AGBL2: variants seen among roughly 807,000 people sequenced by gnomAD.
The protein encoded by AGBL2 is AGBL carboxypeptidase 2.
A neutral mutation model predicts 103.0 loss-of-function variants in AGBL2; 87 were observed. That is an observed-to-expected ratio of 0.84 (90% CI 0.71 to 1.01). AGBL2 has a LOEUF of 1.01. AGBL2 is among the 50% of genes least tolerant of loss of function. The pLI is 0.00. For missense variants in AGBL2, 904 were observed against 1,023.5 expected (o/e 0.88, Z 1.59); for synonymous variants, 335 against 356.7 (o/e 0.94, Z 0.69).
At position 47,704,625 on chromosome 11, in the gene AGBL2, G is replaced by T; in HGVS notation, c.504C>A (p.Ser168=). The T allele has an allele frequency of 6.2e-7, 1 of 1,614,070 alleles. No individual in the cohort carries two copies. The highest frequency in any genetic ancestry group is 8.5e-7 in the Non-Finnish European group (1 of 1,179,988). Residue 168 remains serine, a synonymous_variant, in exon 7 of 19, where the codon TCC becomes TCA. Coordinates refer to ENST00000525123, the MANE Select transcript of AGBL2 (RefSeq NM_024783.4). ...GCAGTGGCCTCTTGGTAGACAAAAT[G>T]GAAAAGAGCTCTTGGGGTTCTCGAA... The part of the protein sequence containing the change: ...PRLREPQELF[S]ILSTKRPLQA...
chr11:47,667,607 A>AT lies in AGBL2; in HGVS notation c.2303dup (p.Asn768LysfsTer43), dbSNP rs760684575. On this transcript the variant is annotated frameshift_variant, in exon 16 of 19. Coordinates refer to ENST00000525123, the MANE Select transcript of AGBL2 (RefSeq NM_024783.4). LOFTEE classifies it high-confidence loss of function. The stretch of plus-strand genomic sequence containing the variant: ...CTGTTAACTTTAACTTCTGCATCAA[A>AT]TTTTTTTTCTGATACTGCTCATTTC... The AT allele has an allele frequency of 1.6e-4, 259 of 1,613,394 alleles. No individual in the cohort carries two copies. The highest frequency in any genetic ancestry group is 1.8e-4 in the Non-Finnish European group (208 of 1,179,698).
At chr11:47,710,661 A>C (rs913840408) in intron 3 of AGBL2, 150 bp from the exon 4 acceptor site, 7 of 881,128 alleles carry the variant, frequency 7.9e-6, no homozygotes, top group Non-Finnish European at 1.1e-5. Flanking sequence ...GAGCTTTCAT[A>C]TTCCAACTTA....
Position 47,680,786 on chromosome 11 carries a change from G to GAAACAAAACAAAACAAAACA in AGBL2, c.1916-733_1916-714dup, listed in dbSNP as rs56208874. On this transcript the variant is annotated intron_variant, in intron 12 of 18. Coordinates refer to ENST00000525123, the MANE Select transcript of AGBL2 (RefSeq NM_024783.4). Reference sequence around the variant, plus strand: ...AGCCTGGGTAACAGAGGGAGACCCTGAAACAAAACAAAACAAAACAAAACA... The same window carrying GAAACAAAACAAAACAAAACA: ...AGCCTGGGTAACAGAGGGAGACCCTGAAACAAAACAAAACAAAACAAAACAAAACAAAACAAAACAAAACA... 8.0e-3 allele frequency among the ~76,000 whole-genome samples: 1,183 copies of GAAACAAAACAAAACAAAACA among 147,584 alleles called. 25 individuals are homozygous for GAAACAAAACAAAACAAAACA. The highest frequency in any genetic ancestry group is 0.037 in the East Asian group (181 of 4,876).
At chr11:47,670,992 TAA>T (rs35181704) in intron 14 of AGBL2, among the ~76,000 whole-genome samples, 4 of 137,928 alleles carry the variant, frequency 2.9e-5, no homozygotes, top group Admixed American at 7.3e-5. Flanking sequence ...ACACTCTTTC[TAA>T]AAAAAAAAAA....
At chr11:47,686,271 TC>T (rs1019124850) in intron 10 of AGBL2, among the ~76,000 whole-genome samples, 31 of 152,028 alleles carry the variant, frequency 2.0e-4, no homozygotes, top group Admixed American at 1.4e-3. Context: ...ATGGAAAATT[TC>T]TTTTTTTCTT....
rs777855210 is a variant in AGBL2, at chr11:47,704,577, T to C, written c.552A>G (p.Glu184=). 10 of 1,613,770 alleles carry C rather than the reference T, an allele frequency of 6.2e-6. No individual in the cohort carries two copies. The highest frequency in any genetic ancestry group is 1.3e-5 in the African/African-American group (1 of 74,844). Reference sequence around the variant, plus strand: ...GGATGTTTTCCTTGATGACCTCACATTCAATTGGCCATCTTGGAGCCTGCA... The same window carrying C: ...GGATGTTTTCCTTGATGACCTCACACTCAATTGGCCATCTTGGAGCCTGCA... ...RPLQAPRWPI[E]CEVIKENIHH... is the part of the protein sequence containing the mutation. Residue 184 remains glutamate (E), a synonymous_variant, in exon 7 of 19, where the codon GAA becomes GAG. Coordinates refer to ENST00000525123, the MANE Select transcript of AGBL2 (RefSeq NM_024783.4).
chr11:47,673,658 G>A (rs1209555858), intron 14 of AGBL2, among the ~76,000 whole-genome samples: 3 of 151,350 alleles, frequency 2.0e-5, no homozygotes, highest in African/African-American at 7.3e-5. Context: ...AGGCATGGTG[G>A]TGGGCGCCTG....
chr11:47,668,966 T>A, intron 14 of AGBL2, 59 bp from the exon 15 acceptor site: 1 of 1,233,220 alleles, frequency 8.1e-7, no homozygotes. Flanking sequence ...CTAGGAAGCA[T>A]AACATTTACC....
At chr11:47,678,338 A>ATTTTTTTTTTTTTTTTTTTTTTTT (rs1196435610) in intron 13 of AGBL2, among the ~76,000 whole-genome samples, 21 of 95,294 alleles carry the variant, frequency 2.2e-4, no homozygotes, top group South Asian at 3.8e-4. Flanking sequence ...TTATTTTATT[A>ATTTTTTTTTTTTTTTTTTTTTTTT]TTTTATTTTT....
At position 47,660,333 on chromosome 11, in the gene AGBL2, C is replaced by G. The variant is rs778124129; in HGVS notation, c.2549G>C (p.Gly850Ala). 15 of 1,611,580 alleles carry G rather than the reference C, an allele frequency of 9.3e-6. No individual in the cohort carries two copies. The highest frequency in any genetic ancestry group is 3.4e-5 in the Admixed American group (2 of 59,042). ...CTTTGGAGAGCATGATACTGTAAAG[C>G]CTGGCTTCTTATTCTGTGCAAATAA... ...NKGRMQNKKP[G>A]FTVSCSPKRT... Residue 850 changes from glycine to alanine, a missense_variant, in exon 19 of 19, where the codon GGC becomes GCC. Coordinates refer to ENST00000525123, the MANE Select transcript of AGBL2 (RefSeq NM_024783.4).
At chr11:47,660,896 T>G (rs1315948319) in intron 18 of AGBL2, among the ~76,000 whole-genome samples, 1 of 152,178 alleles carries the variant, frequency 6.6e-6, no homozygotes, top group Non-Finnish European at 1.5e-5. Flanking sequence ...GCAGAAGGAC[T>G]GCATTTTATA....
intron 13 of AGBL2, among the ~76,000 whole-genome samples, chr11:47,678,288 C>CTTT (rs1382376149): frequency 8.1e-6 from 1 of 123,838 alleles, no homozygotes; most frequent in Non-Finnish European, 1.7e-5. Context: ...ATGCAATACT[C>CTTT]TATTTTATTT....
intron 4 of AGBL2, among the ~76,000 whole-genome samples, chr11:47,709,600 T>A (rs2097531231): frequency 6.6e-6 from 1 of 152,104 alleles, no homozygotes; most frequent in South Asian, 2.1e-4. Context: ...TTTTTTTTTT[T>A]TTTTTGAGAC....
chr11:47,692,389 G>T, intron 8 of AGBL2, 133 bp from the exon 9 acceptor site: 7 of 384,884 alleles, frequency 1.8e-5, no homozygotes, highest in South Asian at 9.1e-5. Context: ...AACTATCTTT[G>T]CAGAGACTTT....
rs566337500 is a variant in AGBL2, at chr11:47,673,750, C to T, written c.2147+3521G>A. On this transcript the variant is annotated intron_variant, in intron 14 of 18. Transcript: ENST00000525123. The stretch of plus-strand genomic sequence containing the variant: ...CGGAGGTTGCAGTGAGCTGAGATCA[C>T]GCCATTGGACTCCAGCCTGGGTGAC... Among the ~76,000 whole-genome samples, 579 of 140,508 alleles carry T rather than the reference C, an allele frequency of 4.1e-3. 3 individuals are homozygous for T. Among genetic ancestry groups the T allele is most frequent in the Non-Finnish European group, 6.4e-3 (423 of 65,948 alleles). The allele number at this position is 140,508 out of a possible 152,430, so 92.2% of individuals were successfully genotyped here.
chr11:47,689,302 A>AT (rs397741033), intron 10 of AGBL2, among the ~76,000 whole-genome samples: 35,334 of 126,244 alleles, frequency 0.28, 6,054 homozygotes, highest in Middle Eastern at 0.37. Context: ...CCACTTCTCA[A>AT]TTTTTTTTTT....
intron 8 of AGBL2, among the ~76,000 whole-genome samples, chr11:47,696,010 C>CAAAAAAAAAAAAAAAAAAAAA (rs1171058500): frequency 3.5e-4 from 6 of 17,208 alleles, no homozygotes; most frequent in Admixed American, 1.2e-3. Flanking sequence ...ACTAAAAATA[C>CAAAAAAAAAAAAAAAAAAAAA]AAAAAAAAAA....
rs758789522 is a variant in AGBL2, at chr11:47,692,185, C to T, written c.766G>A (p.Val256Ile). The T allele has an allele frequency of 6.2e-7, 1 of 1,613,782 alleles. No individual in the cohort carries two copies. Among genetic ancestry groups the T allele is most frequent in the South Asian group, 1.1e-5 (1 of 91,054 alleles). The change falls in exon 9 of 19, where the codon GTC (valine) becomes ATC (isoleucine). Residue 256 changes from valine (V) to isoleucine (I), a missense_variant. Coordinates refer to ENST00000525123, the MANE Select transcript of AGBL2 (RefSeq NM_024783.4). ...TTATCTTCTGGTCCTTGCAACGTGACAGCAAGTTCCTTGACAATTCCTCGT... is the reference window on the plus strand; with the variant it reads ...TTATCTTCTGGTCCTTGCAACGTGATAGCAAGTTCCTTGACAATTCCTCGT... ...GKRGIVKELA[V>I]TLQGPEDNTL...
chr11:47,686,336 A>G (rs1442236526), intron 10 of AGBL2, among the ~76,000 whole-genome samples: 2 of 151,510 alleles, frequency 1.3e-5, no homozygotes, highest in South Asian at 2.1e-4. Flanking sequence ...TGGCCTGACC[A>G]TGGCTCACTG....
Sources: allele counts gnomAD v4.1 joint callset (sites outside exome capture counted in the v4.1 genomes callset), GRCh38; gene constraint gnomAD v4.1.1; transcripts MANE v1.5; gene names NCBI Gene and HGNC (gene_info 2026-07-23, HGNC 2026-07-21).